The following WDR3 variants were observed in gnomAD, a reference collection of about 807,000 sequenced individuals.
WDR3 encodes WD repeat domain 3.
In WDR3, 81 loss-of-function variants were observed where a neutral mutation model predicts 123.7. The ratio of observed to expected loss-of-function variants is 0.65; its 90% confidence interval spans 0.55 to 0.79. The LOEUF (loss-of-function observed/expected upper bound fraction) is 0.79. WDR3 is among the 30% of genes least tolerant of loss of function. The probability of loss-of-function intolerance (pLI) is 0.00; values close to 1 mark genes in which losing one functional copy is unlikely to be tolerated. For synonymous variants in WDR3, 390 were observed against 388.8 expected (o/e 1.00, Z -0.04); for missense variants, 1,027 against 1,123.2 (o/e 0.91, Z 1.22).
rs1227401510 is a variant in WDR3, at chr1:117,963,767, A to G, written c.*4320A>G. 1 of 1,582,926 alleles carries G rather than the reference A, an allele frequency of 6.3e-7. No homozygotes were observed. The highest frequency in any genetic ancestry group is 1.1e-5 in the South Asian group (1 of 88,040). On this transcript the variant is annotated 3_prime_UTR_variant, in exon 27 of 27. Transcript: ENST00000349139. ...CTAATACCTCAAATTTGAATGCTTG[A>G]CAATCAAATTCCCATTTATTACTTA...
chr1:117,933,799 T>G (rs1650820666), intron 2 of WDR3: 1 of 349,078 alleles, frequency 2.9e-6, no homozygotes, highest in Non-Finnish European at 5.5e-6. Context: ...AATTCTATTT[T>G]TCAAGCTCGA....
rs1299259134 is a variant in WDR3 at position 117,933,454 on chromosome 1, A to G, written c.135A>G (p.Glu45=). 6.2e-7 allele frequency: 1 copy of G among 1,614,100 alleles called. No homozygotes were observed. Among genetic ancestry groups the G allele is most frequent in the Non-Finnish European group, 8.5e-7 (1 of 1,180,050 alleles). Residue 45 remains glutamate, a synonymous_variant, in exon 2 of 27, where the codon GAA becomes GAG. Transcript: ENST00000349139. ...GTTATGTGGCAGTACCAGCTTGTGA[A>G]CACGTTTTCATCTGGGACTTAAGGA... is the stretch of plus-strand genomic sequence containing the variant. The part of the protein sequence containing the change: ...KGRYVAVPAC[E]HVFIWDLRKG...
At chr1:117,932,571 A>G (rs1014544485) in intron 1 of WDR3, among the ~76,000 whole-genome samples, 1 of 152,160 alleles carries the variant, frequency 6.6e-6, no homozygotes, top group African/African-American at 2.4e-5. Flanking sequence ...GTGTATTTCC[A>G]GTGTCTAGAA....
chr1:117,964,009 T>C lies in WDR3; in HGVS notation c.*4562T>C. 1 of 1,496,124 alleles carries C rather than the reference T, an allele frequency of 6.7e-7. No homozygotes were observed. The highest frequency in any genetic ancestry group is 9.0e-7 in the Non-Finnish European group (1 of 1,106,104). The allele number at this position is 1,496,124 out of a possible 1,614,324, so 92.7% of individuals were successfully genotyped here. A position where few individuals can be genotyped will look rare whatever the true frequency, so the allele number is the denominator to read the frequency against. On this transcript the variant is annotated 3_prime_UTR_variant, in exon 27 of 27. Transcript: ENST00000349139. ...GCATATATAAACCTAAATAACATTT[T>C]AGAATCATAGAATTTCTTCTCTGGC... is the stretch of plus-strand genomic sequence containing the variant.
At position 117,941,751 on chromosome 1, in the gene WDR3, G is replaced by T; in HGVS notation, c.893G>T (p.Gly298Val). Residue 298 changes from glycine (G) to valine (V), a missense_variant and splice_region_variant, in exon 9 of 27, where the codon GGA (glycine) becomes GTA (valine). Coordinates refer to ENST00000349139, the MANE Select transcript of WDR3 (RefSeq NM_006784.3). ...DKTGRILACH[G>V]TDSVLELFCI... ...CACATTAACCTTTTGCCTTTCTAGG[G>T]AACTGACTCTGTGCTAGAATTGTTT... The T allele has an allele frequency of 6.2e-7, 1 of 1,608,986 alleles. No homozygotes were observed. Among genetic ancestry groups the T allele is most frequent in the South Asian group, 1.1e-5 (1 of 89,564 alleles).
intron 1 of WDR3, among the ~76,000 whole-genome samples, chr1:117,932,807 A>G (rs1650780865): frequency 6.6e-6 from 1 of 152,154 alleles, no homozygotes; most frequent in Non-Finnish European, 1.5e-5. Flanking sequence ...AACACTGAAT[A>G]AAAAATGATG....
intron 22 of WDR3, 48 bp from the exon 23 acceptor site, chr1:117,954,528 GCTAC>G (rs1651877067): frequency 6.5e-7 from 1 of 1,548,222 alleles, no homozygotes; most frequent in South Asian, 1.1e-5. Flanking sequence ...TATAACAAGT[GCTAC>G]CTAAGTCTCA....
Position 117,950,018 on chromosome 1 carries a change from C to A in WDR3, c.1634C>A (p.Thr545Asn), listed in dbSNP as rs149115056. The A allele has an allele frequency of 3.2e-5, 51 of 1,613,910 alleles. 1 individual carries two copies. The African/African-American group carries it at 6.4e-4, about 20-fold the overall frequency. Residue 545 changes from threonine (T) to asparagine (N), a missense_variant, in exon 15 of 27, where the codon ACT becomes AAT. Transcript: ENST00000349139. Reference sequence around the variant, plus strand: ...AGACTTTCTGTGAAGCAAACCCGAACTTTGCAACTAGATGAAGATGTTCTG... The same window carrying A: ...AGACTTTCTGTGAAGCAAACCCGAAATTTGCAACTAGATGAAGATGTTCTG... The part of the protein sequence containing the change: ...QKRLSVKQTR[T>N]LQLDEDVLCV...
chr1:117,942,579 T>G, intron 10 of WDR3, 35 bp downstream of exon 10: 1 of 1,564,736 alleles, frequency 6.4e-7, no homozygotes, highest in Non-Finnish European at 8.8e-7. Flanking sequence ...GTTATAGAAA[T>G]AGTAAGCTAC....
Position 117,963,723 on chromosome 1 carries a change from A to AG in WDR3, c.*4280dup, listed in dbSNP as rs1653426413. 1 of 1,368,934 alleles carries AG rather than the reference A, an allele frequency of 7.3e-7. No individual in the cohort carries two copies. Among genetic ancestry groups the AG allele is most frequent in the African/African-American group, 1.5e-5 (1 of 68,508 alleles). 84.8% of individuals were successfully genotyped at this position (1,368,934 alleles called of 1,614,324 possible). On this transcript the variant is annotated 3_prime_UTR_variant, in exon 27 of 27. Transcript: ENST00000349139. Reference sequence around the variant, plus strand: ...CTTATAGGTTTCTGACTATAAGAAGAGGGGAAGAAACCTGGGGTCTAATAC... The same window carrying AG: ...CTTATAGGTTTCTGACTATAAGAAGAGGGGGAAGAAACCTGGGGTCTAATAC...
Position 117,943,494 on chromosome 1 carries a change from C to T in WDR3, c.1196C>T (p.Pro399Leu). 1 of 1,614,074 alleles carries T rather than the reference C, an allele frequency of 6.2e-7. No homozygotes were observed. Among genetic ancestry groups the T allele is most frequent in the Non-Finnish European group, 8.5e-7 (1 of 1,180,020 alleles). The change falls in exon 11 of 27, where the codon CCT becomes CTT. Residue 399 changes from proline (P) to leucine (L), a missense_variant. Physicochemically the swap from Pro to Leu is moderately conservative, Grantham distance 98. Transcript: ENST00000349139. The stretch of plus-strand genomic sequence containing the variant: ...TTGTATTCACTGAATCCATCCTTGC[C>T]TACTCCTCAGCCTGTCAGGACAAGC... ...VELYSLNPSL[P>L]TPQPVRTSRI...
chr1:117,957,304 C>T (rs1652358461), intron 25 of WDR3, 108 bp downstream of exon 25: 7 of 1,350,662 alleles, frequency 5.2e-6, no homozygotes, highest in East Asian at 2.6e-5. Flanking sequence ...ATGCCGAACT[C>T]GGTGGCTCAC....
At position 117,954,525 on chromosome 1, in the gene WDR3, A is replaced by G. The variant is rs1034057274; in HGVS notation, c.2362-55A>G. On this transcript the variant is annotated intron_variant, in intron 22 of 26. Transcript: ENST00000349139. ...TACAGTTACCACTCTGTCTATAACA[A>G]GTGCTACCTAAGTCTCAGTTTTTTT... The G allele has an allele frequency of 1.0e-4, 157 of 1,535,484 alleles. 1 individual carries two copies. Among genetic ancestry groups the G allele is most frequent in the Non-Finnish European group, 1.2e-4 (134 of 1,114,764 alleles).
chr1:117,942,906 T>G (rs2101205466), intron 10 of WDR3, among the ~76,000 whole-genome samples: 1 of 150,978 alleles, frequency 6.6e-6, no homozygotes, highest in Middle Eastern at 3.4e-3. Context: ...TTTTTTTTTT[T>G]TTTTTTTACT....
At chr1:117,952,920 A>G (rs1017436076) in intron 19 of WDR3, 26 bp from the exon 20 acceptor site, 2 of 1,610,574 alleles carry the variant, frequency 1.2e-6, no homozygotes, top group Non-Finnish European at 1.7e-6. Flanking sequence ...TTTCTCTCAA[A>G]TTAATGTATA....
At chr1:117,950,337 T>C (rs1328542137) in intron 15 of WDR3, among the ~76,000 whole-genome samples, 2 of 152,228 alleles carry the variant, frequency 1.3e-5, no homozygotes, top group African/African-American at 4.8e-5. Context: ...TTAAAGCAAG[T>C]TATATTTCAT....
rs763366577 is a variant in WDR3, at chr1:117,949,830, A to C, written c.1604A>C (p.Gln535Pro). Reference sequence around the variant, plus strand: ...TTAGTGAAAGATGAAAATAGTACCCAAAAGAGGTGAGTAGACATTTTTTGT... The same window carrying C: ...TTAGTGAAAGATGAAAATAGTACCCCAAAGAGGTGAGTAGACATTTTTTGT... ...FELVKDENST[Q>P]KRLSVKQTRT... Residue 535 changes from glutamine to proline, a missense_variant, in exon 14 of 27, where the codon CAA becomes CCA. Physicochemically the swap from Gln to Pro is moderately conservative, Grantham distance 76. Coordinates refer to ENST00000349139, the MANE Select transcript of WDR3 (RefSeq NM_006784.3). 6.8e-6 allele frequency: 11 copies of C among 1,613,810 alleles called. No individual in the cohort carries two copies. The highest frequency in any genetic ancestry group is 7.6e-6 in the Non-Finnish European group (9 of 1,179,878).
At chr1:117,953,612 G>T in intron 21 of WDR3, 71 bp downstream of exon 21, 1 of 1,522,750 alleles carries the variant, frequency 6.6e-7, no homozygotes, top group Non-Finnish European at 8.9e-7. Flanking sequence ...GTTTTATTCT[G>T]TATCAACCAG....
intron 1 of WDR3, 26 bp downstream of exon 1, chr1:117,929,808 G>T (rs967665295): frequency 2.6e-5 from 4 of 152,476 alleles, no homozygotes; most frequent in African/African-American, 9.6e-5. Flanking sequence ...GCGTGGTTGG[G>T]GCGGAGAGCA....
Sources: gnomAD v4.1 joint callset for allele counts (sites outside exome capture counted in the v4.1 genomes callset) on GRCh38, gnomAD v4.1.1 for gene constraint, MANE v1.5 for transcripts, NCBI Gene and HGNC (gene_info 2026-07-23, HGNC 2026-07-21) for gene names.